The following PLPP4 variants were observed in gnomAD, a reference collection of about 807,000 sequenced individuals.
PLPP4 encodes phospholipid phosphatase 4.
In PLPP4, 20 loss-of-function variants were observed where a neutral mutation model predicts 32.2. That is an observed-to-expected ratio of 0.62 (90% CI 0.44 to 0.90). The LOEUF (loss-of-function observed/expected upper bound fraction) is 0.90. Among genes scored for constraint, PLPP4 ranks in the 40% least tolerant of loss-of-function variants. The probability of loss-of-function intolerance (pLI) is 0.00; values close to 1 mark genes in which losing one functional copy is unlikely to be tolerated. For synonymous variants in PLPP4, 127 were observed against 133.0 expected (o/e 0.95, Z 0.31); for missense variants, 257 against 353.1 (o/e 0.73, Z 2.18).
intron 2 of PLPP4, among the ~76,000 whole-genome samples, chr10:120,505,759 A>G (rs546046686): frequency 1.3e-5 from 2 of 152,332 alleles, no homozygotes; most frequent in South Asian, 4.1e-4. Flanking sequence ...CATGACTACT[A>G]AAATCAGCCT....
At chr10:120,491,051 A>G (rs1222218133) in intron 1 of PLPP4, among the ~76,000 whole-genome samples, 2 of 152,080 alleles carry the variant, frequency 1.3e-5, no homozygotes, top group African/African-American at 2.4e-5. Flanking sequence ...GGGTATACAG[A>G]CTGTCCCAGA....
chr10:120,559,573 C>G (rs557469754), intron 5 of PLPP4, among the ~76,000 whole-genome samples: 1 of 151,878 alleles, frequency 6.6e-6, no homozygotes, highest in Admixed American at 6.6e-5. Context: ...TACAGTTGAC[C>G]CTTGAACAAC....
At chr10:120,493,729 G>A (rs776671056) in intron 1 of PLPP4, among the ~76,000 whole-genome samples, 2 of 152,118 alleles carry the variant, frequency 1.3e-5, no homozygotes, top group Non-Finnish European at 2.9e-5. Context: ...TCTTATACAC[G>A]TTCTCGTCGA....
rs565173042 is a variant in PLPP4, at chr10:120,485,105, CT to C, written c.57-18710del. On this transcript the variant is annotated intron_variant, in intron 1 of 6. Transcript: ENST00000398250. ...GAATGCAGCTTTGCTAGCACTTTGCCTTTAGCCCAGGGAGATCTGCATCAGA... is the reference window on the plus strand; with the variant it reads ...GAATGCAGCTTTGCTAGCACTTTGCCTTAGCCCAGGGAGATCTGCATCAGA... Among the ~76,000 whole-genome samples the C allele has an allele frequency of 3.8e-4, 58 of 152,330 alleles. 1 individual carries two copies. In the East Asian group the frequency reaches 0.011, roughly 29 times the overall value.
chr10:120,591,414 CA>C lies in PLPP4; in HGVS notation c.*1913del, dbSNP rs1200432770. Among the ~76,000 whole-genome samples, 1 of 152,064 alleles carries C rather than the reference CA, an allele frequency of 6.6e-6. No individual in the cohort carries two copies. The highest frequency in any genetic ancestry group is 1.5e-5 in the Non-Finnish European group (1 of 68,022). ...GATTTTTTAAAAATTATAGCAGTTACATTGGCAAGCAACTTTGAAGATGAAT... is the reference window on the plus strand; with the variant it reads ...GATTTTTTAAAAATTATAGCAGTTACTTGGCAAGCAACTTTGAAGATGAAT... On this transcript the variant is annotated 3_prime_UTR_variant, in exon 7 of 7. Transcript: ENST00000398250.
intron 1 of PLPP4, among the ~76,000 whole-genome samples, chr10:120,484,697 C>T (rs1844364334): frequency 6.6e-6 from 1 of 152,180 alleles, no homozygotes; most frequent in Admixed American, 6.5e-5. Flanking sequence ...AACACATGAA[C>T]TTTGGGGGAC....
At chr10:120,488,331 G>A (rs769832964) in intron 1 of PLPP4, among the ~76,000 whole-genome samples, 10 of 152,214 alleles carry the variant, frequency 6.6e-5, no homozygotes, top group Non-Finnish European at 1.3e-4. Context: ...ATGAATGAAT[G>A]ATGACTGAAA....
chr10:120,490,368 A>G (rs1161623479), intron 1 of PLPP4, among the ~76,000 whole-genome samples: 2 of 152,250 alleles, frequency 1.3e-5, no homozygotes, highest in African/African-American at 4.8e-5. Context: ...ACTGTGAGCA[A>G]AAACTTTTGG....
chr10:120,586,168 T>A (rs1160137122), intron 6 of PLPP4, among the ~76,000 whole-genome samples: 2 of 150,916 alleles, frequency 1.3e-5, no homozygotes, highest in Non-Finnish European at 1.5e-5. Context: ...GGAGACTTGC[T>A]CTGTTGCCTG....
intron 5 of PLPP4, among the ~76,000 whole-genome samples, chr10:120,531,306 G>T (rs1186068023): frequency 1.3e-5 from 2 of 151,768 alleles, no homozygotes; most frequent in African/African-American, 4.8e-5. Context: ...GGGATTCACC[G>T]TGTTGGCCAG....
intron 1 of PLPP4, among the ~76,000 whole-genome samples, chr10:120,492,782 C>T (rs1013350166): frequency 6.6e-6 from 1 of 152,190 alleles, no homozygotes; most frequent in Non-Finnish European, 1.5e-5. Flanking sequence ...TCTATGCCAA[C>T]ATTTTATCCT....
At chr10:120,483,414 T>C (rs143115217) in intron 1 of PLPP4, among the ~76,000 whole-genome samples, 20 of 152,294 alleles carry the variant, frequency 1.3e-4, no homozygotes, top group Admixed American at 6.5e-5. Context: ...CCCTGATTAA[T>C]ACATTCTCTT....
At chr10:120,563,795 A>G (rs1295744584) in intron 5 of PLPP4, among the ~76,000 whole-genome samples, 1 of 90,920 alleles carries the variant, frequency 1.1e-5, no homozygotes, top group Non-Finnish European at 2.2e-5. Context: ...CGACAGAGCG[A>G]GACTCCGTCT....
intron 5 of PLPP4, among the ~76,000 whole-genome samples, chr10:120,532,080 G>A (rs759960760): frequency 9.9e-5 from 15 of 151,948 alleles, no homozygotes; most frequent in Admixed American, 8.5e-4. Flanking sequence ...GCCCCCAACA[G>A]GCCCTGGTGT....
rs796698429 is a variant in PLPP4 at position 120,589,813 on chromosome 10, A to G, written c.*311A>G. 6 of 312,120 alleles carry G rather than the reference A, an allele frequency of 1.9e-5. No homozygotes were observed. Among genetic ancestry groups the G allele is most frequent in the African/African-American group, 1.3e-4 (6 of 47,144 alleles). The allele number at this position is 312,120 out of a possible 1,614,324, so 19.3% of individuals were successfully genotyped here. On this transcript the variant is annotated 3_prime_UTR_variant, in exon 7 of 7. Transcript: ENST00000398250. The stretch of plus-strand genomic sequence containing the variant: ...GTAACAGCCACCTTCCTATGTTTTC[A>G]TGGTTGTAAAACATAATAAAACCTC...
At chr10:120,583,415 G>A (rs1243488074) in intron 6 of PLPP4, among the ~76,000 whole-genome samples, 3 of 151,934 alleles carry the variant, frequency 2.0e-5, no homozygotes, top group East Asian at 1.9e-4. Flanking sequence ...GGCTCATCTG[G>A]TGTCAATTCT....
At chr10:120,479,157 T>C (rs1337596343) in intron 1 of PLPP4, among the ~76,000 whole-genome samples, 2 of 151,646 alleles carry the variant, frequency 1.3e-5, no homozygotes, top group Non-Finnish European at 2.9e-5. Flanking sequence ...ACCCGGGAGG[T>C]AGAGCTTGCA....
At chr10:120,527,498 TAA>T (rs1476986757) in intron 5 of PLPP4, among the ~76,000 whole-genome samples, 4 of 152,220 alleles carry the variant, frequency 2.6e-5, no homozygotes, top group African/African-American at 4.8e-5. Flanking sequence ...TCCTCACTGC[TAA>T]AAATACCTTT....
intron 1 of PLPP4, among the ~76,000 whole-genome samples, chr10:120,462,992 G>A (rs946373155): frequency 2.7e-5 from 4 of 148,454 alleles, no homozygotes; most frequent in African/African-American, 7.4e-5. Flanking sequence ...GAATCATTCT[G>A]CTTGCTCTCT....
Sources: allele counts gnomAD v4.1 joint callset (sites outside exome capture counted in the v4.1 genomes callset), GRCh38; gene constraint gnomAD v4.1.1; transcripts MANE v1.5; gene names NCBI Gene and HGNC (gene_info 2026-07-23, HGNC 2026-07-21).